The following EYA2 variants were observed in gnomAD, a reference collection of about 807,000 sequenced individuals.
EYA2 encodes EYA transcriptional coactivator and phosphatase 2.
A neutral mutation model predicts 69.2 loss-of-function variants in EYA2; 31 were observed. The ratio of observed to expected loss-of-function variants is 0.45; its 90% CI spans 0.34 to 0.60. EYA2 has a LOEUF of 0.60. Among genes scored for constraint, EYA2 ranks in the 20% least tolerant of loss-of-function variants. The pLI, the probability that EYA2 is intolerant of heterozygous loss-of-function variation, is 0.02. For synonymous variants in EYA2, 257 were observed against 279.4 expected, an observed-to-expected ratio of 0.92 and a Z score of 0.80; for missense variants, 622 against 701.2, an observed-to-expected ratio of 0.89 and a Z score of 1.28.
At chr20:47,034,560 G>A (rs1984594611) in intron 5 of EYA2, among the ~76,000 whole-genome samples, 1 of 152,258 alleles carries the variant, frequency 6.6e-6, no homozygotes, top group South Asian at 2.1e-4. Context: ...CCAAGGCGAG[G>A]AGGGATCCCC....
At chr20:46,967,499 A>G (rs1326641332) in intron 1 of EYA2, among the ~76,000 whole-genome samples, 1 of 152,252 alleles carries the variant, frequency 6.6e-6, no homozygotes, top group Non-Finnish European at 1.5e-5. Flanking sequence ...CAGTAATGGT[A>G]TCAGGGAAGG....
chr20:46,930,050 C>CTTT (rs1985600535), intron 1 of EYA2, among the ~76,000 whole-genome samples: 2 of 152,058 alleles, frequency 1.3e-5, no homozygotes, highest in Admixed American at 6.5e-5. Context: ...ATAGGAGGAG[C>CTTT]GTAAAAGCAA....
At chr20:46,922,370 AT>A (rs1452142293) in intron 1 of EYA2, among the ~76,000 whole-genome samples, 1 of 152,214 alleles carries the variant, frequency 6.6e-6, no homozygotes, top group Non-Finnish European at 1.5e-5. Flanking sequence ...GGGAAAGGAA[AT>A]GGGGAAAAGG....
chr20:46,930,610 G>A (rs1314144267), intron 1 of EYA2, among the ~76,000 whole-genome samples: 4 of 152,154 alleles, frequency 2.6e-5, no homozygotes, highest in Non-Finnish European at 4.4e-5. Flanking sequence ...ACAAAAAAGG[G>A]GGTCCTGGTT....
At chr20:47,164,648 G>A (rs572757313) in intron 10 of EYA2, among the ~76,000 whole-genome samples, 1 of 152,242 alleles carries the variant, frequency 6.6e-6, no homozygotes, top group East Asian at 1.9e-4. Context: ...TGGCTCAGAG[G>A]TCTCAGACTC....
At chr20:47,097,236 TGGAAATTGTGC>T (rs1372457052) in intron 9 of EYA2, 68 bp downstream of exon 9, 38 of 1,289,850 alleles carry the variant, frequency 2.9e-5, no homozygotes, top group Non-Finnish European at 4.2e-5. Context: ...CAGTTTGTCC[TGGAAATTGTGC>T]GGACAGTTTA....
At chr20:47,078,331 G>GCACACACACACACACA (rs60383949) in intron 7 of EYA2, among the ~76,000 whole-genome samples, 6 of 123,734 alleles carry the variant, frequency 4.8e-5, no homozygotes, top group East Asian at 4.5e-4. Flanking sequence ...GCGCGCGCGC[G>GCACACACACACACACA]CACACACACA....
rs60032049 is a variant in EYA2, at chr20:46,907,835, A to AAAACAAACAAAC, written c.-11+12868_-11+12879dup. 2.0e-3 allele frequency among the ~76,000 whole-genome samples: 298 copies of AAAACAAACAAAC among 150,462 alleles called. 1 individual carries two copies. The highest frequency in any genetic ancestry group is 2.5e-3 in the Non-Finnish European group (172 of 67,616). ...GGGTGACAGAGGGAGACTCCATCTG[A>AAAACAAACAAAC]AAACAAACAAACAAACAAACAAACA... On this transcript the variant is annotated intron_variant, in intron 1 of 15. Transcript: ENST00000327619.
rs572518267 is a variant in EYA2 at position 47,077,462 on chromosome 20, C to G, written c.661+3127C>G. Among the ~76,000 whole-genome samples, 558 of 152,262 alleles carry G rather than the reference C, an allele frequency of 3.7e-3. 2 individuals carry two copies. The highest frequency in any genetic ancestry group is 0.028 in the South Asian group (136 of 4,824). On this transcript the variant is annotated intron_variant, in intron 7 of 15. Coordinates refer to ENST00000327619, the MANE Select transcript of EYA2 (RefSeq NM_005244.5). ...TCTTCTTTTCTGAAACCTACTGATG[C>G]TGTAGGGCTTTGCAGAAGCTAAGCT...
chr20:47,162,493 A>G (rs1568818278), intron 10 of EYA2, among the ~76,000 whole-genome samples: 1 of 151,082 alleles, frequency 6.6e-6, no homozygotes, highest in Non-Finnish European at 1.5e-5. Context: ...ATTTTTTTCA[A>G]AAGCAGTACA....
At chr20:47,173,040 T>C (rs2034356778) in intron 12 of EYA2, among the ~76,000 whole-genome samples, 173 bp downstream of exon 12, 1 of 152,124 alleles carries the variant, frequency 6.6e-6, no homozygotes, top group African/African-American at 2.4e-5. Context: ...TTTGTCACCT[T>C]CACTTTGGGG....
At chr20:47,109,299 A>G (rs2032682759) in intron 9 of EYA2, among the ~76,000 whole-genome samples, 1 of 152,214 alleles carries the variant, frequency 6.6e-6, no homozygotes, top group African/African-American at 2.4e-5. Context: ...TCAAAGGCAC[A>G]GCTTGAGTTA....
At chr20:47,168,348 C>T (rs907130472) in intron 10 of EYA2, among the ~76,000 whole-genome samples, 2 of 151,884 alleles carry the variant, frequency 1.3e-5, no homozygotes, top group African/African-American at 2.4e-5. Flanking sequence ...GCTGCCACCA[C>T]GCCCAGCTAA....
intron 5 of EYA2, among the ~76,000 whole-genome samples, chr20:47,046,939 A>G (rs756356639): frequency 1.3e-5 from 2 of 152,128 alleles, no homozygotes; most frequent in African/African-American, 4.8e-5. Context: ...TTTAAGCTTC[A>G]ATGTCCTTAT....
At chr20:46,930,051 G>A (rs186171040) in intron 1 of EYA2, among the ~76,000 whole-genome samples, 5 of 152,270 alleles carry the variant, frequency 3.3e-5, no homozygotes, top group South Asian at 4.2e-4. Flanking sequence ...TAGGAGGAGC[G>A]TAAAAGCAAG....
At chr20:46,948,509 G>C (rs781625989) in intron 1 of EYA2, among the ~76,000 whole-genome samples, 4 of 152,174 alleles carry the variant, frequency 2.6e-5, no homozygotes, top group Non-Finnish European at 5.9e-5. Flanking sequence ...GTGACGATAA[G>C]CTGCATAAGA....
intron 10 of EYA2, among the ~76,000 whole-genome samples, chr20:47,150,049 G>T (rs905492235): frequency 1.3e-5 from 2 of 152,190 alleles, no homozygotes; most frequent in Non-Finnish European, 2.9e-5. Context: ...CCAGGGGCTG[G>T]CATGGTGAGG....
At chr20:46,974,620 A>G (rs758375072) in intron 1 of EYA2, among the ~76,000 whole-genome samples, 2 of 152,124 alleles carry the variant, frequency 1.3e-5, no homozygotes, top group African/African-American at 2.4e-5. Flanking sequence ...AGTGGCCTCA[A>G]GCACTTCGTG....
chr20:46,968,036 C>T (rs143117434), intron 1 of EYA2, among the ~76,000 whole-genome samples: 117 of 152,310 alleles, frequency 7.7e-4, no homozygotes, highest in African/African-American at 2.6e-3. Context: ...CTGGAGGATG[C>T]TGATGGAGAT....
Sources: gnomAD v4.1 joint callset for allele counts (sites outside exome capture counted in the v4.1 genomes callset) on GRCh38, gnomAD v4.1.1 for gene constraint, MANE v1.5 for transcripts, NCBI Gene and HGNC (gene_info 2026-07-23, HGNC 2026-07-21) for gene names.